SP1: variants seen among roughly 807,000 people sequenced by gnomAD.
SP1 encodes Sp1 transcription factor, also known as transcription factor Sp1.
SP1 carries 6 observed loss-of-function variants against 66.3 expected under a neutral mutation model. The ratio of observed to expected loss-of-function variants is 0.09; its 90% CI spans 0.05 to 0.18. SP1 has a LOEUF of 0.18. Among genes scored for constraint, SP1 ranks in the 10% least tolerant of loss-of-function variants. The pLI, the probability that SP1 is intolerant of heterozygous loss-of-function variation, is 1.00. For missense variants in SP1, 848 were observed against 964.5 expected (o/e 0.88, Z 1.60); for synonymous variants, 417 against 360.8 (o/e 1.16, Z -1.77).
At position 53,381,665 on chromosome 12, in the gene SP1, A is replaced by G. The variant is rs1373600553; in HGVS notation, c.14A>G (p.Asp5Gly). Residue 5 changes from aspartate to glycine, a missense_variant, in exon 2 of 6, where the codon GAT becomes GGT. By Grantham distance (94) the Asp-to-Gly change is moderately conservative. Transcript: ENST00000327443. ...TGTTTTTTAATTATTTTAGACCAAG[A>G]TCACTCCATGGATGAAATGACAGCT... MSDQ[D>G]HSMDEMTAVV... The G allele has an allele frequency of 1.9e-5, 31 of 1,608,102 alleles. No homozygotes were observed. The highest frequency in any genetic ancestry group is 2.5e-5 in the Non-Finnish European group (29 of 1,177,964).
chr12:53,414,504 A>C lies in SP1; in HGVS notation c.*3264A>C, dbSNP rs1027512977. 9 of 152,634 alleles carry C rather than the reference A, an allele frequency of 5.9e-5. No individual in the cohort carries two copies. Among genetic ancestry groups the C allele is most frequent in the Admixed American group, 5.9e-4 (9 of 15,272 alleles). The allele number at this position is 152,634 out of a possible 1,614,324, so 9.5% of individuals were successfully genotyped here. On this transcript the variant is annotated 3_prime_UTR_variant, in exon 6 of 6. Transcript: ENST00000327443. ...GAAAGTATATACTGAAGTGTGGGATAAAGATTATGATTAGGGGAGGGTTGG... is the reference window on the plus strand; with the variant it reads ...GAAAGTATATACTGAAGTGTGGGATCAAGATTATGATTAGGGGAGGGTTGG...
Position 53,382,211 on chromosome 12 carries a change from G to A in SP1, c.264G>A (p.Gly88=), listed in dbSNP as rs772373449. The A allele has an allele frequency of 5.0e-6, 8 of 1,614,140 alleles. No individual in the cohort carries two copies. In the East Asian group the frequency reaches 1.8e-4, roughly 36 times the overall value. Residue 88 remains glycine (G), a synonymous_variant, in exon 3 of 6, where the codon GGG becomes GGA. Transcript: ENST00000327443. ...ACTCCCAGGGCCCGAGTCAGTCAGGGGGAACAGGTGAGCTTGACCTCACAG... is the reference window on the plus strand; with the variant it reads ...ACTCCCAGGGCCCGAGTCAGTCAGGAGGAACAGGTGAGCTTGACCTCACAG... ...SNNSQGPSQS[G]GTGELDLTAT...
intron 3 of SP1, among the ~76,000 whole-genome samples, chr12:53,396,670 TGAGAG>T (rs759874398): frequency 1.3e-4 from 20 of 152,326 alleles, no homozygotes; most frequent in African/African-American, 3.6e-4. Context: ...TTAGTGTACT[TGAGAG>T]GAGACCAGTT....
chr12:53,393,299 T>G (rs1938397913), intron 3 of SP1, among the ~76,000 whole-genome samples: 1 of 151,878 alleles, frequency 6.6e-6, no homozygotes, highest in African/African-American at 2.4e-5. Flanking sequence ...TCTTTCTTTC[T>G]TTTTTTTCTT....
intron 3 of SP1, among the ~76,000 whole-genome samples, chr12:53,402,967 TC>T: frequency 7.1e-6 from 1 of 141,760 alleles, no homozygotes. Context: ...AGATTCCATC[TC>T]AGAAAAAAAA....
rs935710963 is a variant in SP1, at chr12:53,380,445, G to A, written c.7+147G>A. The A allele has an allele frequency of 4.0e-5, 28 of 706,010 alleles. 1 individual carries two copies. In the Middle Eastern group the frequency reaches 1.6e-3, roughly 40 times the overall value. 43.7% of individuals were successfully genotyped at this position (706,010 alleles called of 1,614,324 possible). A position where few individuals can be genotyped will look rare whatever the true frequency, so the allele number is the denominator to read the frequency against. On this transcript the variant is annotated intron_variant, in intron 1 of 5. Transcript: ENST00000327443. ...TAGGTCCCGCCCGGGGCGGAGGGAA[G>A]GGAGGGAGACGGGGCAGTGGCGGGG...
At chr12:53,406,248 T>C (rs1210993341) in intron 3 of SP1, among the ~76,000 whole-genome samples, 2 of 151,942 alleles carry the variant, frequency 1.3e-5, no homozygotes, top group Non-Finnish European at 2.9e-5. Context: ...TTTGTATTTT[T>C]AGTAGAGACG....
intron 3 of SP1, among the ~76,000 whole-genome samples, chr12:53,405,631 C>T (rs907975334): frequency 1.3e-5 from 2 of 151,070 alleles, no homozygotes; most frequent in African/African-American, 4.9e-5. Flanking sequence ...GATAATGCCA[C>T]TGTACTCCAG....
intron 3 of SP1, among the ~76,000 whole-genome samples, chr12:53,402,514 G>A (rs1387112599): frequency 6.6e-6 from 1 of 151,702 alleles, no homozygotes; most frequent in Non-Finnish European, 1.5e-5. Flanking sequence ...GAGCCGTTGC[G>A]CCCGGCCTGG....
At chr12:53,399,707 G>A (rs1237182881) in intron 3 of SP1, among the ~76,000 whole-genome samples, 4 of 151,028 alleles carry the variant, frequency 2.6e-5, no homozygotes, top group East Asian at 2.0e-4. Flanking sequence ...CACGATCTCC[G>A]GCTCACCGCA....
chr12:53,404,679 T>A (rs1420416791), intron 3 of SP1, among the ~76,000 whole-genome samples: 1 of 152,156 alleles, frequency 6.6e-6, no homozygotes, highest in East Asian at 1.9e-4. Context: ...TTTATATATA[T>A]TTTTTTGAGT....
intron 3 of SP1, among the ~76,000 whole-genome samples, chr12:53,391,614 C>T (rs1011632922): frequency 1.3e-5 from 2 of 151,946 alleles, no homozygotes; most frequent in South Asian, 2.1e-4. Flanking sequence ...TGAGCCACTG[C>T]GCCCAGCCTT....
Position 53,406,680 on chromosome 12 carries a change from G to T in SP1, c.1771G>T (p.Ala591Ser). 6.2e-7 allele frequency: 1 copy of T among 1,614,094 alleles called. No homozygotes were observed. The highest frequency in any genetic ancestry group is 8.5e-7 in the Non-Finnish European group (1 of 1,180,010). The change falls in exon 4 of 6, where the codon GCC becomes TCC. Residue 591 changes from alanine (A) to serine (S), a missense_variant. Transcript: ENST00000327443. ...GGEEGENSPD[A>S]QPQAGRRTRR... ...AGAGGAAGGAGAAAACAGCCCAGATGCCCAACCCCAAGCCGGTCGGAGGAC... is the reference window on the plus strand; with the variant it reads ...AGAGGAAGGAGAAAACAGCCCAGATTCCCAACCCCAAGCCGGTCGGAGGAC...
chr12:53,389,383 A>G (rs1182873193), intron 3 of SP1, among the ~76,000 whole-genome samples: 4 of 151,456 alleles, frequency 2.6e-5, no homozygotes, highest in African/African-American at 9.7e-5. Flanking sequence ...TAATTTTTGT[A>G]TTTTTAATCG....
At chr12:53,386,299 G>A (rs572454008) in intron 3 of SP1, among the ~76,000 whole-genome samples, 2 of 152,010 alleles carry the variant, frequency 1.3e-5, no homozygotes, top group South Asian at 4.2e-4. Context: ...CTGGAATGGA[G>A]TGGGGGATGT....
chr12:53,399,622 C>T (rs1379353129), intron 3 of SP1, among the ~76,000 whole-genome samples: 20 of 147,606 alleles, frequency 1.4e-4, no homozygotes, highest in East Asian at 1.0e-3. Context: ...TGAGCCACCG[C>T]GCCCTGCCTT....
chr12:53,381,975 T>TG, intron 2 of SP1, 135 bp from the exon 3 acceptor site: 1 of 1,136,928 alleles, frequency 8.8e-7, no homozygotes, highest in Non-Finnish European at 1.2e-6. Context: ...GTTTCAGCAA[T>TG]ACAGATAGGT....
chr12:53,415,958 TCTA>T lies in SP1; in HGVS notation c.*4720_*4722del, dbSNP rs1938987546. 1 of 152,634 alleles carries T rather than the reference TCTA, an allele frequency of 6.6e-6. No homozygotes were observed. The highest frequency in any genetic ancestry group is 2.1e-4 in the South Asian group (1 of 4,828). The allele number at this position is 152,634 out of a possible 1,614,324, so 9.5% of individuals were successfully genotyped here. A position where few individuals can be genotyped will look rare whatever the true frequency, so the allele number is the denominator to read the frequency against. On this transcript the variant is annotated 3_prime_UTR_variant, in exon 6 of 6. Transcript: ENST00000327443. ...ACACTGAGATTGACCTGAGGAGACA[TCTA>T]CACACACCAGTGGCAGCTGCCCCAG...
At chr12:53,396,307 C>T (rs796341451) in intron 3 of SP1, among the ~76,000 whole-genome samples, 127 of 146,746 alleles carry the variant, frequency 8.7e-4, no homozygotes, top group African/African-American at 3.1e-3. Flanking sequence ...CGGTGGCTCA[C>T]GTCTGTAATC....
Sources: gnomAD v4.1 joint callset for allele counts (sites outside exome capture counted in the v4.1 genomes callset) on GRCh38, gnomAD v4.1.1 for gene constraint, MANE v1.5 for transcripts, NCBI Gene and HGNC (gene_info 2026-07-23, HGNC 2026-07-21) for gene names.